SDR16C5: variants seen among roughly 807,000 people sequenced by gnomAD.
SDR16C5 encodes epidermal retinol dehydrogenase 2.
SDR16C5 carries 20 observed loss-of-function variants against 27.7 expected under a neutral mutation model. The observed-to-expected ratio is 0.72, with a 90% confidence interval of 0.51 to 1.05. SDR16C5 has a LOEUF of 1.05. Among genes scored for constraint, SDR16C5 ranks in the 50% least tolerant of loss-of-function variants. The pLI is 0.00. For synonymous variants in SDR16C5, 139 were observed against 132.3 expected (o/e 1.05, Z -0.35); for missense variants, 374 against 366.3 (o/e 1.02, Z -0.17).
At chr8:56,301,634 T>C in intron 6 of SDR16C5, 61 bp from the exon 7 acceptor site, 1 of 1,249,972 alleles carries the variant, frequency 8.0e-7, no homozygotes, top group Non-Finnish European at 1.2e-6. Flanking sequence ...CTTTACCACC[T>C]CTACTGAAAA....
chr8:56,307,309 A>T (rs1468384145), intron 4 of SDR16C5, among the ~76,000 whole-genome samples: 3 of 151,870 alleles, frequency 2.0e-5, no homozygotes, highest in Admixed American at 2.0e-4. Flanking sequence ...AAAAAAAAAA[A>T]GGGCTTGGTA....
intron 6 of SDR16C5, 110 bp from the exon 7 acceptor site, chr8:56,301,683 A>T: frequency 1.3e-6 from 1 of 765,036 alleles, no homozygotes; most frequent in Non-Finnish European, 2.3e-6. Flanking sequence ...TCACTCACTC[A>T]TGCACACACT....
intron 6 of SDR16C5, 128 bp downstream of exon 6, chr8:56,305,469 A>G (rs1814857449): frequency 1.2e-6 from 1 of 822,226 alleles, no homozygotes; most frequent in African/African-American, 1.8e-5. Context: ...TAGGACTAAC[A>G]GGACTTAATA....
In SDR16C5 at chr8:56,301,950, G is replaced by A. The variant is rs140907971; in HGVS notation, c.837-377C>T. Among the ~76,000 whole-genome samples, 1,012 of 152,262 alleles carry A rather than the reference G, an allele frequency of 6.6e-3. 9 individuals carry two copies. Among genetic ancestry groups the A allele is most frequent in the African/African-American group, 0.022 (921 of 41,552 alleles). On this transcript the variant is annotated intron_variant, in intron 6 of 6. Coordinates refer to ENST00000303749, the MANE Select transcript of SDR16C5 (RefSeq NM_138969.4). Reference sequence around the variant, plus strand: ...ATTTGCAGTGCCGCCTTAGGCAATCGACTCAGCTCATAGACCTCAGTTTCC... The same window carrying A: ...ATTTGCAGTGCCGCCTTAGGCAATCAACTCAGCTCATAGACCTCAGTTTCC...
At chr8:56,314,830 A>T (rs1158082151) in intron 2 of SDR16C5, among the ~76,000 whole-genome samples, 1 of 152,240 alleles carries the variant, frequency 6.6e-6, no homozygotes, top group Non-Finnish European at 1.5e-5. Context: ...TTTACAATGT[A>T]GTCAGGCTGC....
chr8:56,306,222 T>C (rs1201884477), intron 5 of SDR16C5, among the ~76,000 whole-genome samples: 1 of 152,208 alleles, frequency 6.6e-6, no homozygotes, highest in Non-Finnish European at 1.5e-5. Flanking sequence ...GAGAAGAGCC[T>C]ATCAGCACTT....
intron 1 of SDR16C5, among the ~76,000 whole-genome samples, chr8:56,319,599 T>C (rs1306769808): frequency 6.6e-6 from 1 of 152,180 alleles, no homozygotes; most frequent in Admixed American, 6.5e-5. Context: ...AAGTCGGCTC[T>C]GGTGAGGGCA....
At chr8:56,305,790 TC>T in intron 5 of SDR16C5, 68 bp from the exon 6 acceptor site, 1 of 1,484,546 alleles carries the variant, frequency 6.7e-7, no homozygotes, top group Non-Finnish European at 9.0e-7. Context: ...AGATAATTTT[TC>T]AAATTAGGGA....
intron 3 of SDR16C5, among the ~76,000 whole-genome samples, chr8:56,311,845 C>T (rs1333119944): frequency 6.6e-6 from 1 of 152,166 alleles, no homozygotes; most frequent in East Asian, 1.9e-4. Context: ...TTCTATGATC[C>T]CTTATCTCAC....
At position 56,315,283 on chromosome 8, in the gene SDR16C5, G is replaced by A. The variant is rs574096558; in HGVS notation, c.333+732C>T. Among the ~76,000 whole-genome samples, 9 of 151,678 alleles carry A rather than the reference G, an allele frequency of 5.9e-5. No individual in the cohort carries two copies. The South Asian group carries it at 6.3e-4, about 11-fold the overall frequency. Reference sequence around the variant, plus strand: ...AAAATTCCTTGTGAGGGACGGGCACGTGCCTCTATGATGGTAAGAAAATCC... The same window carrying A: ...AAAATTCCTTGTGAGGGACGGGCACATGCCTCTATGATGGTAAGAAAATCC... On this transcript the variant is annotated intron_variant, in intron 2 of 6. Coordinates refer to ENST00000303749, the MANE Select transcript of SDR16C5 (RefSeq NM_138969.4).
At chr8:56,309,556 G>C (rs1814972243) in intron 3 of SDR16C5, 2 of 985,092 alleles carry the variant, frequency 2.0e-6, no homozygotes, top group African/African-American at 3.5e-5. Context: ...TCTGTATTCT[G>C]TCCAACACCT....
chr8:56,316,813 T>C (rs1815211475), intron 1 of SDR16C5, among the ~76,000 whole-genome samples: 1 of 152,264 alleles, frequency 6.6e-6, no homozygotes, highest in African/African-American at 2.4e-5. Context: ...CCTTTGATGT[T>C]TGTGCTTTCT....
At chr8:56,319,243 C>A (rs1010851827) in intron 1 of SDR16C5, among the ~76,000 whole-genome samples, 1 of 152,128 alleles carries the variant, frequency 6.6e-6, no homozygotes, top group African/African-American at 2.4e-5. Context: ...ACATGTCTCC[C>A]CCTCTGCTCC....
intron 6 of SDR16C5, among the ~76,000 whole-genome samples, 159 bp downstream of exon 6, chr8:56,305,438 T>C (rs948777823): frequency 6.6e-6 from 1 of 152,230 alleles, no homozygotes; most frequent in Non-Finnish European, 1.5e-5. Flanking sequence ...TTTGGTATTG[T>C]GTCAGCAATG....
At chr8:56,306,972 A>G (rs1814902590) in intron 4 of SDR16C5, 152 bp from the exon 5 acceptor site, 1 of 671,256 alleles carries the variant, frequency 1.5e-6, no homozygotes, top group Admixed American at 3.2e-5. Context: ...GGAAGAAGTG[A>G]GCAGGGAGTG....
intron 4 of SDR16C5, among the ~76,000 whole-genome samples, chr8:56,308,407 C>T (rs911715771): frequency 6.6e-6 from 1 of 152,242 alleles, no homozygotes; most frequent in Non-Finnish European, 1.5e-5. Context: ...CCTCTCCCCA[C>T]TGCTACTGTC....
intron 2 of SDR16C5, among the ~76,000 whole-genome samples, chr8:56,312,936 C>T (rs1815087010): frequency 6.6e-6 from 1 of 151,876 alleles, no homozygotes; most frequent in African/African-American, 2.4e-5. Context: ...ACCACCACAC[C>T]CGGCTAATTT....
Position 56,306,666 on chromosome 8 carries a change from A to G in SDR16C5, c.710+10T>C. ...AGTGTAGATTCTTTGAAATTAAAGGACATACTTACCCTGTAGTACAACCTT... is the reference window on the plus strand; with the variant it reads ...AGTGTAGATTCTTTGAAATTAAAGGGCATACTTACCCTGTAGTACAACCTT... On this transcript the variant is annotated intron_variant, in intron 5 of 6. Coordinates refer to ENST00000303749, the MANE Select transcript of SDR16C5 (RefSeq NM_138969.4). 1 of 1,573,818 alleles carries G rather than the reference A, an allele frequency of 6.4e-7. No individual in the cohort carries two copies. Among genetic ancestry groups the G allele is most frequent in the South Asian group, 1.2e-5 (1 of 83,936 alleles).
chr8:56,312,401 G>T, intron 2 of SDR16C5, 113 bp from the exon 3 acceptor site: 2 of 973,950 alleles, frequency 2.1e-6, no homozygotes, highest in Non-Finnish European at 3.2e-6. Context: ...CTGAGTTTAT[G>T]CACTCTAAAA....
Sources: allele counts gnomAD v4.1 joint callset (sites outside exome capture counted in the v4.1 genomes callset), GRCh38; gene constraint gnomAD v4.1.1; transcripts MANE v1.5; gene names NCBI Gene and HGNC (gene_info 2026-07-23, HGNC 2026-07-21).